Variants in ABCA12 observed in about 807,000 individuals in gnomAD.
ABCA12 encodes ATP binding cassette subfamily A member 12, also known as glucosylceramide transporter ABCA12.
Under a neutral mutation model 293.5 loss-of-function variants are expected in ABCA12, and 156 were observed. The ratio of observed to expected loss-of-function variants is 0.53; its 90% CI spans 0.47 to 0.61. The LOEUF is 0.61. Among genes scored for constraint, ABCA12 ranks in the 20% least tolerant of loss-of-function variants. ABCA12 has a pLI of 0.00. For synonymous variants in ABCA12, 1,063 were observed against 1,108.0 expected (o/e 0.96, Z 0.81); for missense variants, 2,797 against 3,090.2 (o/e 0.91, Z 2.25).
At chr2:215,094,315 C>T (rs1483632910) in intron 2 of ABCA12, among the ~76,000 whole-genome samples, 1 of 152,198 alleles carries the variant, frequency 6.6e-6, no homozygotes, top group Non-Finnish European at 1.5e-5. Context: ...GCCTCAGACC[C>T]CATTGCTCAG....
chr2:215,014,464 T>C (rs1047898383), intron 15 of ABCA12, among the ~76,000 whole-genome samples: 2 of 152,136 alleles, frequency 1.3e-5, no homozygotes, highest in African/African-American at 4.8e-5. Context: ...AAATGAGATT[T>C]TAGTGATGAG....
chr2:214,985,805 C>T (rs1699772904), intron 28 of ABCA12, among the ~76,000 whole-genome samples: 1 of 152,188 alleles, frequency 6.6e-6, no homozygotes, highest in Non-Finnish European at 1.5e-5. Context: ...GCACCAGCAG[C>T]ATCTTAGAGC....
chr2:215,086,382 C>T (rs984984277), intron 2 of ABCA12, among the ~76,000 whole-genome samples: 2 of 152,132 alleles, frequency 1.3e-5, no homozygotes, highest in African/African-American at 2.4e-5. Context: ...TTCAAGCCAG[C>T]GAAGCCCTTT....
At chr2:215,047,149 G>C (rs1415122734) in intron 6 of ABCA12, among the ~76,000 whole-genome samples, 1 of 152,148 alleles carries the variant, frequency 6.6e-6, no homozygotes, top group Non-Finnish European at 1.5e-5. Context: ...GTGATGGGTT[G>C]ATAGGTGCAG....
At chr2:215,087,318 C>T (rs1049096689) in intron 2 of ABCA12, among the ~76,000 whole-genome samples, 10 of 152,110 alleles carry the variant, frequency 6.6e-5, no homozygotes, top group Admixed American at 1.3e-4. Context: ...ATATTCTTCA[C>T]GGATTGGAAA....
At chr2:215,027,303 G>A (rs1259645485) in intron 9 of ABCA12, among the ~76,000 whole-genome samples, 6 of 151,776 alleles carry the variant, frequency 4.0e-5, no homozygotes, top group Admixed American at 1.3e-4. Flanking sequence ...TCGAGATCGC[G>A]CCACTGCACT....
At chr2:214,982,553 G>A (rs1051384755) in intron 29 of ABCA12, among the ~76,000 whole-genome samples, 170 bp from the exon 30 acceptor site, 27 of 151,588 alleles carry the variant, frequency 1.8e-4, no homozygotes. Context: ...TTATCACCTG[G>A]ATACAAAATT....
intron 7 of ABCA12, among the ~76,000 whole-genome samples, chr2:215,043,786 A>G (rs1701149568): frequency 6.6e-6 from 1 of 152,270 alleles, no homozygotes; most frequent in Non-Finnish European, 1.5e-5. Flanking sequence ...CAATTAAGAT[A>G]CAAACATTTC....
intron 37 of ABCA12, 43 bp from the exon 38 acceptor site, chr2:214,968,850 A>C: frequency 6.5e-7 from 1 of 1,547,910 alleles, no homozygotes; most frequent in East Asian, 2.2e-5. Context: ...TAGTGGAGAA[A>C]ATCTTCTTAA....
chr2:215,134,984 A>T (rs1703179734), intron 1 of ABCA12, among the ~76,000 whole-genome samples: 1 of 151,890 alleles, frequency 6.6e-6, no homozygotes, highest in South Asian at 2.1e-4. Context: ...TCTTTTTTTG[A>T]GACAGAGTTT....
chr2:215,099,367 C>G (rs192922216), intron 2 of ABCA12, among the ~76,000 whole-genome samples: 2 of 152,208 alleles, frequency 1.3e-5, no homozygotes, highest in Non-Finnish European at 2.9e-5. Context: ...ATGAGACACA[C>G]CAAGGCAAAG....
intron 51 of ABCA12, among the ~76,000 whole-genome samples, chr2:214,937,087 A>G (rs1364063146): frequency 1.3e-5 from 2 of 152,236 alleles, no homozygotes; most frequent in Non-Finnish European, 2.9e-5. Context: ...GATTAATAAT[A>G]AAGCTGTAGT....
At chr2:214,955,928 G>A (rs1433166179) in intron 42 of ABCA12, among the ~76,000 whole-genome samples, 2 of 152,144 alleles carry the variant, frequency 1.3e-5, no homozygotes, top group African/African-American at 4.8e-5. Flanking sequence ...AGCCTTTTAG[G>A]TTGCTCAGAA....
chr2:215,069,825 ACT>A (rs1226846176), intron 2 of ABCA12, among the ~76,000 whole-genome samples: 3 of 152,142 alleles, frequency 2.0e-5, no homozygotes, highest in Non-Finnish European at 4.4e-5. Flanking sequence ...GCTAATAGAG[ACT>A]CTAACCTAGT....
At chr2:214,981,944 TA>T (rs1699668450) in intron 30 of ABCA12, among the ~76,000 whole-genome samples, 1 of 109,436 alleles carries the variant, frequency 9.1e-6, no homozygotes, top group African/African-American at 5.3e-5. Context: ...CAGCTGTTTT[TA>T]TTATTATTAT....
At chr2:215,049,143 C>T (rs974537633) in intron 6 of ABCA12, among the ~76,000 whole-genome samples, 8 of 151,948 alleles carry the variant, frequency 5.3e-5, no homozygotes, top group Non-Finnish European at 1.2e-4. Flanking sequence ...CAATATGTGC[C>T]CCTGAACCTA....
At chr2:215,102,211 T>G (rs1489637599) in intron 2 of ABCA12, among the ~76,000 whole-genome samples, 1 of 152,230 alleles carries the variant, frequency 6.6e-6, no homozygotes, top group East Asian at 1.9e-4. Flanking sequence ...TTTTTAATAA[T>G]GAGCATGTAT....
intron 2 of ABCA12, among the ~76,000 whole-genome samples, chr2:215,104,898 T>C (rs1702433225): frequency 6.6e-6 from 1 of 152,212 alleles, no homozygotes; most frequent in South Asian, 2.1e-4. Flanking sequence ...ATAGACATTA[T>C]TTTGATCCCA....
chr2:215,081,542 GAAAC>G (rs1701941891), intron 2 of ABCA12, among the ~76,000 whole-genome samples: 1 of 145,236 alleles, frequency 6.9e-6, no homozygotes, highest in African/African-American at 2.5e-5. Flanking sequence ...AAAAAGAAAA[GAAAC>G]AAACAAAAAA....
Sources: allele counts gnomAD v4.1 joint callset (sites outside exome capture counted in the v4.1 genomes callset), GRCh38; gene constraint gnomAD v4.1.1; transcripts MANE v1.5; gene names NCBI Gene and HGNC (gene_info 2026-07-23, HGNC 2026-07-21).